The following GRID2 variants were observed in gnomAD, a reference collection of about 807,000 sequenced individuals.
GRID2 encodes glutamate ionotropic receptor delta type subunit 2, also known as glutamate receptor ionotropic, delta-2.
Under a neutral mutation model 114.8 loss-of-function variants are expected in GRID2, and 33 were observed. That is an observed-to-expected ratio of 0.29 (90% confidence interval 0.22 to 0.38). The LOEUF (loss-of-function observed/expected upper bound fraction) is 0.38, where lower values mean the gene tolerates loss of function less well. Among genes scored for constraint, GRID2 ranks in the 10% least tolerant of loss-of-function variants. The pLI is 1.00. For missense variants in GRID2, 1,184 were observed against 1,257.7 expected, an observed-to-expected ratio of 0.94 and a Z score of 0.89; for synonymous variants, 505 against 449.9, an observed-to-expected ratio of 1.12 and a Z score of -1.55.
chr4:93,393,978 G>C (rs897527930), intron 8 of GRID2, among the ~76,000 whole-genome samples: 1 of 151,954 alleles, frequency 6.6e-6, no homozygotes, highest in African/African-American at 2.4e-5. Context: ...GTTGTAATAT[G>C]TGGAGAAAGC....
chr4:92,887,912 A>G (rs540226491), intron 2 of GRID2, among the ~76,000 whole-genome samples: 44 of 152,302 alleles, frequency 2.9e-4, no homozygotes, highest in Non-Finnish European at 4.3e-4. Context: ...TTCTCTCGCT[A>G]ATAATAGCTT....
chr4:92,442,946 A>T (rs906522070), intron 1 of GRID2, among the ~76,000 whole-genome samples: 4 of 152,176 alleles, frequency 2.6e-5, no homozygotes, highest in African/African-American at 9.6e-5. Context: ...GGGAGGTGAT[A>T]AAAAGATTAT....
intron 2 of GRID2, among the ~76,000 whole-genome samples, chr4:92,600,742 A>T (rs1189696984): frequency 6.6e-6 from 1 of 152,200 alleles, no homozygotes; most frequent in Non-Finnish European, 1.5e-5. Flanking sequence ...AACAGCAAAG[A>T]TGGCTGCCTG....
intron 7 of GRID2, among the ~76,000 whole-genome samples, chr4:93,225,388 G>C (rs1745371983): frequency 6.6e-6 from 1 of 152,052 alleles, no homozygotes; most frequent in African/African-American, 2.4e-5. Context: ...AGTGGTATAA[G>C]CATTCTGCAG....
intron 8 of GRID2, among the ~76,000 whole-genome samples, chr4:93,252,676 A>G (rs1749100733): frequency 6.6e-6 from 1 of 152,170 alleles, no homozygotes; most frequent in Admixed American, 6.6e-5. Context: ...CATTATAATG[A>G]CATTCATTCT....
intron 4 of GRID2, among the ~76,000 whole-genome samples, chr4:93,155,044 A>G (rs1239487728): frequency 6.6e-6 from 1 of 151,904 alleles, no homozygotes; most frequent in Non-Finnish European, 1.5e-5. Context: ...ACCTACATAG[A>G]GGCTCCTTGG....
At chr4:93,246,042 T>A (rs1003367073) in intron 8 of GRID2, among the ~76,000 whole-genome samples, 1 of 152,118 alleles carries the variant, frequency 6.6e-6, no homozygotes, top group Non-Finnish European at 1.5e-5. Flanking sequence ...AACACTAACT[T>A]TTTTGTTTCA....
At chr4:92,466,475 T>C (rs910271650) in intron 1 of GRID2, among the ~76,000 whole-genome samples, 2 of 151,924 alleles carry the variant, frequency 1.3e-5, no homozygotes, top group Non-Finnish European at 2.9e-5. Flanking sequence ...AATATGCTTA[T>C]TTCACATTGT....
chr4:93,795,533 T>G (rs1038241204), intron 1 of GRID2, among the ~76,000 whole-genome samples: 1 of 152,126 alleles, frequency 6.6e-6, no homozygotes, highest in African/African-American at 2.4e-5. Context: ...CTTTTTAAAA[T>G]AAGTATAAAT....
intron 2 of GRID2, among the ~76,000 whole-genome samples, chr4:92,918,456 T>C (rs1388128813): frequency 6.6e-6 from 1 of 152,180 alleles, no homozygotes; most frequent in Non-Finnish European, 1.5e-5. Flanking sequence ...GCTTCCAGTT[T>C]TTGCCCACTC....
chr4:92,347,662 C>T (rs894172796), intron 1 of GRID2, among the ~76,000 whole-genome samples: 2 of 152,072 alleles, frequency 1.3e-5, no homozygotes, highest in Admixed American at 1.3e-4. Context: ...AACATTTACA[C>T]TGTACTGTGT....
Position 93,224,679 on chromosome 4 carries a change from G to A in GRID2, c.1029G>A (p.Glu343=). Residue 343 remains glutamate (E), a synonymous_variant, in exon 7 of 16, where the codon GAG becomes GAA. Transcript: ENST00000282020. The part of the protein sequence containing the change: ...LLANAFHKKL[E]DRKWHSMASL... ...CTAATGCTTTTCATAAGAAGCTGGA[G>A]GACCGAAAGTGGCACAGCATGGCAA... is the stretch of plus-strand genomic sequence containing the variant. 15 of 1,611,572 alleles carry A rather than the reference G, an allele frequency of 9.3e-6. No homozygotes were observed. Among genetic ancestry groups the A allele is most frequent in the Non-Finnish European group, 1.1e-5 (13 of 1,178,020 alleles).
chr4:92,426,878 A>C (rs531671899), intron 1 of GRID2, among the ~76,000 whole-genome samples: 1 of 152,234 alleles, frequency 6.6e-6, no homozygotes, highest in East Asian at 1.9e-4. Context: ...ATCTGACATG[A>C]AAATCATATT....
At chr4:93,693,728 G>A (rs1726768561) in intron 14 of GRID2, among the ~76,000 whole-genome samples, 1 of 152,034 alleles carries the variant, frequency 6.6e-6, no homozygotes, top group African/African-American at 2.4e-5. Flanking sequence ...TTCGCCATTA[G>A]TCGAGGACCA....
intron 8 of GRID2, among the ~76,000 whole-genome samples, chr4:93,244,790 G>A (rs1417982697): frequency 6.6e-6 from 1 of 151,402 alleles, no homozygotes; most frequent in Admixed American, 6.6e-5. Context: ...ATTAAATATT[G>A]CACTTGTATT....
intron 8 of GRID2, among the ~76,000 whole-genome samples, chr4:93,316,339 A>AGAAAGAAG (rs1192535496): frequency 5.8e-3 from 316 of 54,932 alleles, no homozygotes; most frequent in East Asian, 0.025. Context: ...AAAGAAAGAA[A>AGAAAGAAG]GAAGGAAGGA....
chr4:93,195,877 T>G (rs988730212), intron 4 of GRID2, among the ~76,000 whole-genome samples: 68 of 152,182 alleles, frequency 4.5e-4, no homozygotes, highest in Admixed American at 4.1e-3. Flanking sequence ...TAAGAAAGGT[T>G]ATGATCACTA....
chr4:93,074,971 A>G (rs1183783361), intron 2 of GRID2, among the ~76,000 whole-genome samples: 4 of 152,194 alleles, frequency 2.6e-5, no homozygotes, highest in Non-Finnish European at 5.9e-5. Flanking sequence ...GACTGATTTT[A>G]TAAACTCTCT....
At chr4:92,357,568 G>C (rs1022733175) in intron 1 of GRID2, among the ~76,000 whole-genome samples, 2 of 151,580 alleles carry the variant, frequency 1.3e-5, no homozygotes, top group Admixed American at 6.6e-5. Context: ...TGATCATTTA[G>C]TATGTTACAC....
Sources: allele counts gnomAD v4.1 joint callset (sites outside exome capture counted in the v4.1 genomes callset), GRCh38; gene constraint gnomAD v4.1.1; transcripts MANE v1.5; gene names NCBI Gene and HGNC (gene_info 2026-07-23, HGNC 2026-07-21).